Variants in LHFPL6 observed in about 807,000 individuals in gnomAD.
LHFPL6 encodes the protein LHFPL tetraspan subfamily member 6 protein.
A neutral mutation model predicts 20.6 loss-of-function variants in LHFPL6; 9 were observed. That is an observed-to-expected ratio of 0.44 (90% confidence interval 0.26 to 0.76). The LOEUF is 0.76. Ranked by LOEUF, LHFPL6 falls within the 30% of genes least tolerant of loss-of-function variation. The pLI is 0.20. For synonymous variants in LHFPL6, 105 were observed against 98.7 expected (o/e 1.06, Z -0.38); for missense variants, 218 against 253.5 (o/e 0.86, Z 0.95).
At chr13:39,571,973 G>A (rs1871932369) in intron 2 of LHFPL6, among the ~76,000 whole-genome samples, 1 of 152,196 alleles carries the variant, frequency 6.6e-6, no homozygotes, top group East Asian at 1.9e-4. Flanking sequence ...AGTAGAGGGG[G>A]CTCCCCTGCC....
chr13:39,514,728 C>G (rs1869844530), intron 2 of LHFPL6, among the ~76,000 whole-genome samples: 1 of 152,238 alleles, frequency 6.6e-6, no homozygotes, highest in African/African-American at 2.4e-5. Context: ...AAGCAAAACA[C>G]TGAATTCAAC....
intron 2 of LHFPL6, among the ~76,000 whole-genome samples, chr13:39,440,905 A>G (rs1872106022): frequency 6.6e-6 from 1 of 151,874 alleles, no homozygotes; most frequent in African/African-American, 2.4e-5. Flanking sequence ...TAAAAATGGG[A>G]ATTTCTTTGC....
intron 2 of LHFPL6, among the ~76,000 whole-genome samples, chr13:39,391,615 ACTTTTCAG>A (rs1870710539): frequency 6.6e-6 from 1 of 152,148 alleles, no homozygotes; most frequent in South Asian, 2.1e-4. Flanking sequence ...ACTTCTACTA[ACTTTTCAG>A]CTTAGGATAT....
intron 2 of LHFPL6, among the ~76,000 whole-genome samples, chr13:39,502,722 G>A (rs999629643): frequency 2.6e-5 from 4 of 152,120 alleles, no homozygotes; most frequent in African/African-American, 9.7e-5. Flanking sequence ...CTCAGGTTTG[G>A]TAAACCAGTA....
At chr13:39,377,682 C>T (rs1001453009) in intron 3 of LHFPL6, among the ~76,000 whole-genome samples, 1 of 152,032 alleles carries the variant, frequency 6.6e-6, no homozygotes, top group South Asian at 2.1e-4. Flanking sequence ...TTTTATAGAT[C>T]GCAACATAAG....
intron 2 of LHFPL6, among the ~76,000 whole-genome samples, chr13:39,553,319 C>A (rs533582420): frequency 2.0e-5 from 3 of 152,296 alleles, no homozygotes; most frequent in South Asian, 2.1e-4. Context: ...TGTAAATTTG[C>A]AGCTTCACCC....
chr13:39,433,312 A>T (rs894494379), intron 2 of LHFPL6, among the ~76,000 whole-genome samples: 5 of 152,216 alleles, frequency 3.3e-5, no homozygotes, highest in Non-Finnish European at 5.9e-5. Flanking sequence ...AAACAAAAGA[A>T]ATTCTAACAA....
intron 2 of LHFPL6, among the ~76,000 whole-genome samples, chr13:39,556,144 C>A (rs1389874829): frequency 6.6e-6 from 1 of 152,128 alleles, no homozygotes; most frequent in Non-Finnish European, 1.5e-5. Flanking sequence ...AACCGTGAGT[C>A]AATAAAACGT....
At chr13:39,505,846 T>C (rs1272103819) in intron 2 of LHFPL6, among the ~76,000 whole-genome samples, 1 of 152,220 alleles carries the variant, frequency 6.6e-6, no homozygotes, top group African/African-American at 2.4e-5. Flanking sequence ...ATACATTTTC[T>C]AAATGACATT....
At chr13:39,516,161 G>GGGCA (rs1304245991) in intron 2 of LHFPL6, among the ~76,000 whole-genome samples, 1 of 152,168 alleles carries the variant, frequency 6.6e-6, no homozygotes, top group Non-Finnish European at 1.5e-5. Flanking sequence ...TTCTGTATCT[G>GGGCA]GGCAGACAAA....
At chr13:39,581,989 T>G (rs1319940616) in intron 2 of LHFPL6, among the ~76,000 whole-genome samples, 1 of 152,234 alleles carries the variant, frequency 6.6e-6, no homozygotes, top group Non-Finnish European at 1.5e-5. Context: ...CATAAATCTA[T>G]GTATTTTACC....
chr13:39,564,096 T>C (rs1871636583), intron 2 of LHFPL6, among the ~76,000 whole-genome samples: 1 of 143,420 alleles, frequency 7.0e-6, no homozygotes, highest in Non-Finnish European at 1.5e-5. Context: ...ATCCAGGAGA[T>C]TGGGAGCTGT....
At chr13:39,465,170 A>C (rs965436288) in intron 2 of LHFPL6, among the ~76,000 whole-genome samples, 1 of 152,206 alleles carries the variant, frequency 6.6e-6, no homozygotes, top group African/African-American at 2.4e-5. Context: ...GAAATCAGAA[A>C]CCACAAAGAG....
At chr13:39,469,336 G>A (rs12583299) in intron 2 of LHFPL6, among the ~76,000 whole-genome samples, 13,449 of 152,126 alleles carry the variant, frequency 0.088, 1,184 homozygotes, top group East Asian at 0.51. Flanking sequence ...CTCTGCCATC[G>A]GCAAACTGCC....
chr13:39,591,815 G>T (rs1055241138), intron 2 of LHFPL6, among the ~76,000 whole-genome samples: 1 of 152,176 alleles, frequency 6.6e-6, no homozygotes, highest in East Asian at 1.9e-4. Flanking sequence ...TTGTATTGAG[G>T]TTGGGTGCAG....
chr13:39,529,335 A>G (rs1463483628), intron 2 of LHFPL6, among the ~76,000 whole-genome samples: 1 of 152,076 alleles, frequency 6.6e-6, no homozygotes, highest in African/African-American at 2.4e-5. Flanking sequence ...CAGGTGATCC[A>G]CCCACCTTGG....
chr13:39,562,375 C>T (rs76508550), intron 2 of LHFPL6, among the ~76,000 whole-genome samples: 11 of 101,042 alleles, frequency 1.1e-4, no homozygotes, highest in African/African-American at 3.3e-4. Context: ...TACATATATA[C>T]ATATATACAT....
At chr13:39,581,457 G>C in intron 2 of LHFPL6, among the ~76,000 whole-genome samples, 1 of 151,380 alleles carries the variant, frequency 6.6e-6, no homozygotes, top group Middle Eastern at 3.2e-3. Flanking sequence ...ATAGCCACCA[G>C]TGGGTGGATG....
intron 2 of LHFPL6, among the ~76,000 whole-genome samples, chr13:39,449,199 A>G (rs1872375050): frequency 6.6e-6 from 1 of 152,262 alleles, no homozygotes; most frequent in South Asian, 2.1e-4. Context: ...ATGACCAGTG[A>G]TATTCCTCAC....
Sources: allele counts gnomAD v4.1 joint callset (sites outside exome capture counted in the v4.1 genomes callset), GRCh38; gene constraint gnomAD v4.1.1; transcripts MANE v1.5; gene names NCBI Gene and HGNC (gene_info 2026-07-23, HGNC 2026-07-21).